Variants in DNAH11 observed in about 807,000 individuals in gnomAD.
DNAH11 encodes dynein axonemal heavy chain 11, also known as axonemal beta dynein heavy chain 11.
Under a neutral mutation model 526.0 loss-of-function variants are expected in DNAH11, and 442 were observed. That is an observed-to-expected ratio of 0.84 (90% confidence interval 0.78 to 0.91). The LOEUF (loss-of-function observed/expected upper bound fraction) is 0.91. Among genes scored for constraint, DNAH11 ranks in the 40% least tolerant of loss-of-function variants. The pLI, the probability that DNAH11 is intolerant of heterozygous loss-of-function variation, is 0.00. For synonymous variants in DNAH11, 2,461 were observed against 1,935.9 expected (o/e 1.27, Z -7.12); for missense variants, 6,989 against 5,448.7 (o/e 1.28, Z -8.90).
intron 73 of DNAH11, among the ~76,000 whole-genome samples, chr7:21,870,279 G>T (rs1783446194): frequency 6.6e-6 from 1 of 152,118 alleles, no homozygotes; most frequent in East Asian, 1.9e-4. Context: ...CCAGTATCCA[G>T]GCTCGGTGCC....
At chr7:21,838,037 C>G (rs977819877) in intron 65 of DNAH11, among the ~76,000 whole-genome samples, 2 of 152,134 alleles carry the variant, frequency 1.3e-5, no homozygotes, top group Non-Finnish European at 2.9e-5. Flanking sequence ...AAGAACTAGC[C>G]GTGAACTATA....
chr7:21,662,157 A>G (rs922231216), intron 30 of DNAH11, among the ~76,000 whole-genome samples: 8 of 152,120 alleles, frequency 5.3e-5, no homozygotes, highest in Admixed American at 6.6e-5. Context: ...TTTATGTGCT[A>G]TATAAGGGCT....
At chr7:21,613,795 C>G (rs1182842902) in intron 20 of DNAH11, among the ~76,000 whole-genome samples, 1 of 152,086 alleles carries the variant, frequency 6.6e-6, no homozygotes, top group East Asian at 1.9e-4. Context: ...GACAGGGTCT[C>G]ACTCTGACCA....
intron 35 of DNAH11, among the ~76,000 whole-genome samples, chr7:21,695,116 A>G (rs1418309614): frequency 6.6e-6 from 1 of 152,250 alleles, no homozygotes; most frequent in Non-Finnish European, 1.5e-5. Context: ...ATAGAAAAGC[A>G]TTCCATGCTC....
rs1000362009 is a variant in DNAH11 at position 21,877,530 on chromosome 7, A to G, written c.12196-3172A>G. ...ATGTAAATTTAATCAAGTGGCTGGGACATAAAGAACCATTTCTTGTAGGAT... is the reference window on the plus strand; with the variant it reads ...ATGTAAATTTAATCAAGTGGCTGGGGCATAAAGAACCATTTCTTGTAGGAT... On this transcript the variant is annotated intron_variant, in intron 74 of 81. Coordinates refer to ENST00000409508, the MANE Select transcript of DNAH11 (RefSeq NM_001277115.2). 9.2e-5 allele frequency among the ~76,000 whole-genome samples: 14 copies of G among 152,236 alleles called. 2 individuals carry two copies. The highest frequency in any genetic ancestry group is 8.5e-4 in the Admixed American group (13 of 15,290).
chr7:21,687,262 TAGTA>T lies in DNAH11; in HGVS notation c.5778+10_5778+13del, dbSNP rs767658473. 6.4e-7 allele frequency: 1 copy of T among 1,571,434 alleles called. No homozygotes were observed. The highest frequency in any genetic ancestry group is 1.9e-5 in the Admixed American group (1 of 52,926). ...AGAGCAAATGGACTACAAAGTAAGT[TAGTA>T]AGAGAATAATGTGTAAAACTTTATT... On this transcript the variant is annotated splice_region_variant and intron_variant, in intron 33 of 81. Transcript: ENST00000409508.
At chr7:21,562,194 A>T (rs1201781562) in intron 5 of DNAH11, among the ~76,000 whole-genome samples, 1 of 152,208 alleles carries the variant, frequency 6.6e-6, no homozygotes, top group Non-Finnish European at 1.5e-5. Flanking sequence ...GTCATGATCA[A>T]CATTTTGGGT....
intron 76 of DNAH11, among the ~76,000 whole-genome samples, chr7:21,891,422 A>C (rs1352427221): frequency 6.6e-6 from 1 of 152,222 alleles, no homozygotes; most frequent in African/African-American, 2.4e-5. Context: ...CAGAGGGGTT[A>C]ATGGTCCCTG....
At position 21,739,717 on chromosome 7, in the gene DNAH11, G is replaced by T. The variant is rs1239456586; in HGVS notation, c.7914+44G>T. On this transcript the variant is annotated intron_variant, in intron 48 of 81. Coordinates refer to ENST00000409508, the MANE Select transcript of DNAH11 (RefSeq NM_001277115.2). ...CTCTCAAAAACTGTAGGTCTGTATTGTATTGTTTTCGAGTACAGCTTAGGA... is the reference window on the plus strand; with the variant it reads ...CTCTCAAAAACTGTAGGTCTGTATTTTATTGTTTTCGAGTACAGCTTAGGA... The T allele has an allele frequency of 1.2e-5, 18 of 1,462,452 alleles. 1 individual carries two copies. The East Asian group carries it at 4.1e-4, about 33-fold the overall frequency. 90.6% of individuals were successfully genotyped at this position (1,462,452 alleles called of 1,614,324 possible).
At chr7:21,833,718 T>C (rs1312245809) in intron 65 of DNAH11, among the ~76,000 whole-genome samples, 7 of 151,666 alleles carry the variant, frequency 4.6e-5, no homozygotes, top group Non-Finnish European at 1.0e-4. Flanking sequence ...TAAAAATAAA[T>C]AAATAAAATA....
chr7:21,662,798 A>G (rs1169665687), intron 30 of DNAH11, among the ~76,000 whole-genome samples: 1 of 152,050 alleles, frequency 6.6e-6, no homozygotes, highest in African/African-American at 2.4e-5. Context: ...TTTGCTGTTT[A>G]TGTAAATTGG....
chr7:21,606,350 A>G, intron 18 of DNAH11, 76 bp from the exon 19 acceptor site: 1 of 1,150,910 alleles, frequency 8.7e-7, no homozygotes, highest in Non-Finnish European at 1.2e-6. Context: ...GAAAGAAATT[A>G]GAGTCATTTA....
At chr7:21,680,584 C>G (rs996800208) in intron 30 of DNAH11, among the ~76,000 whole-genome samples, 14 of 152,152 alleles carry the variant, frequency 9.2e-5, no homozygotes, top group African/African-American at 3.4e-4. Flanking sequence ...TGAAACAATA[C>G]ATTCTCTTAC....
Position 21,849,947 on chromosome 7 carries a change from T to A in DNAH11, c.10897-2520T>A, listed in dbSNP as rs1394223938. On this transcript the variant is annotated intron_variant, in intron 66 of 81. Transcript: ENST00000409508. ...TTTCTCCTTGTAAGCATCTCACAGT[T>A]CTTGGATATTCTTTCCTTTTTAATT... 2.0e-5 allele frequency among the ~76,000 whole-genome samples: 3 copies of A among 152,026 alleles called. No individual in the cohort carries two copies. The East Asian group carries it at 5.8e-4, about 29-fold the overall frequency.
chr7:21,598,844 T>C (rs1431115249), intron 14 of DNAH11, among the ~76,000 whole-genome samples: 1 of 152,202 alleles, frequency 6.6e-6, no homozygotes, highest in Non-Finnish European at 1.5e-5. Flanking sequence ...CAGTATTTGG[T>C]TTTCTGCTCC....
At chr7:21,808,320 G>A (rs1789362805) in intron 63 of DNAH11, among the ~76,000 whole-genome samples, 1 of 152,148 alleles carries the variant, frequency 6.6e-6, no homozygotes, top group African/African-American at 2.4e-5. Context: ...TGTATACAAT[G>A]TGTAATGGTC....
intron 74 of DNAH11, among the ~76,000 whole-genome samples, chr7:21,877,673 A>C (rs1783768301): frequency 6.6e-6 from 1 of 151,934 alleles, no homozygotes; most frequent in South Asian, 2.1e-4. Flanking sequence ...CAGGAGATTG[A>C]GATCATCCTG....
chr7:21,749,690 A>T lies in DNAH11; in HGVS notation c.8686A>T (p.Asn2896Tyr). Residue 2896 changes from asparagine to tyrosine, a missense_variant, in exon 53 of 82, where the codon AAT becomes TAT. Asn to Tyr is a moderately radical substitution (Grantham distance 143). Coordinates refer to ENST00000409508, the MANE Select transcript of DNAH11 (RefSeq NM_001277115.2). ...GIQELRVDLA[N>Y]LYIRTGAKNM... ...CCTTTCCTTACAGGTAGATCTTGCC[A>T]ATTTGTACATCCGAACTGGAGCCAA... 1 of 1,613,818 alleles carries T rather than the reference A, an allele frequency of 6.2e-7. No homozygotes were observed. The highest frequency in any genetic ancestry group is 8.5e-7 in the Non-Finnish European group (1 of 1,179,820).
chr7:21,695,923 G>A (rs1339750628), intron 35 of DNAH11, among the ~76,000 whole-genome samples: 1 of 152,082 alleles, frequency 6.6e-6, no homozygotes, highest in African/African-American at 2.4e-5. Flanking sequence ...GTGGGCAAAG[G>A]ATATGAACAG....
Sources: gnomAD v4.1 joint callset for allele counts (sites outside exome capture counted in the v4.1 genomes callset) on GRCh38, gnomAD v4.1.1 for gene constraint, MANE v1.5 for transcripts, NCBI Gene and HGNC (gene_info 2026-07-23, HGNC 2026-07-21) for gene names.